FLT4: variants seen among roughly 807,000 people sequenced by gnomAD.
FLT4 encodes vascular endothelial growth factor receptor 3.
A neutral mutation model predicts 163.2 loss-of-function variants in FLT4; 30 were observed. The ratio of observed to expected loss-of-function variants is 0.18; its 90% CI spans 0.14 to 0.25. FLT4 has a LOEUF of 0.25. Ranked by LOEUF, FLT4 falls within the 10% of genes least tolerant of loss-of-function variation. The probability of loss-of-function intolerance (pLI) is 1.00; values close to 1 mark genes in which losing one functional copy is unlikely to be tolerated. For synonymous variants in FLT4, 884 were observed against 789.5 expected (o/e 1.12, Z -2.01); for missense variants, 1,510 against 1,863.8 (o/e 0.81, Z 3.50).
chr5:180,645,568 C>T (rs369397340), intron 1 of FLT4, among the ~76,000 whole-genome samples: 23 of 152,316 alleles, frequency 1.5e-4, no homozygotes, highest in African/African-American at 5.5e-4. Context: ...CTGCTGACCT[C>T]GCCGGCCACG....
At chr5:180,610,874 G>A (rs971834013) in intron 27 of FLT4, among the ~76,000 whole-genome samples, 12 of 150,440 alleles carry the variant, frequency 8.0e-5, no homozygotes, top group East Asian at 3.9e-4. Flanking sequence ...TGGCTAACAC[G>A]GTGAAACCCC....
At chr5:180,622,899 G>T in intron 11 of FLT4, 60 bp from the exon 12 acceptor site, 1 of 1,167,604 alleles carries the variant, frequency 8.6e-7, no homozygotes, top group Non-Finnish European at 1.3e-6. Flanking sequence ...CCTGGGCCCT[G>T]TCTTTCTGCA....
intron 1 of FLT4, among the ~76,000 whole-genome samples, chr5:180,642,796 C>T (rs1267696933): frequency 6.6e-6 from 1 of 152,190 alleles, no homozygotes; most frequent in Non-Finnish European, 1.5e-5. Context: ...AGGAGGCACC[C>T]ACACAGTAAT....
chr5:180,610,100 T>A (rs1342818997), intron 27 of FLT4, 75 bp from the exon 28 acceptor site: 5 of 1,604,216 alleles, frequency 3.1e-6, no homozygotes, highest in Non-Finnish European at 4.3e-6. Flanking sequence ...ACTGTCCCTG[T>A]GCCCCCTCTT....
At position 180,608,996 on chromosome 5, in the gene FLT4, T is replaced by C; in HGVS notation, c.3865A>G (p.Ser1289Gly). The C allele has an allele frequency of 6.2e-7, 1 of 1,614,152 alleles. No homozygotes were observed. Among genetic ancestry groups the C allele is most frequent in the Non-Finnish European group, 8.5e-7 (1 of 1,180,002 alleles). Residue 1289 changes from serine to glycine, a missense_variant, in exon 29 of 30, where the codon AGC (serine) becomes GGC (glycine). Around this residue, in one of 5 missense-constraint regions of FLT4, gnomAD observed 295 missense variants for 311.0 expected, o/e 0.95. Coordinates refer to ENST00000261937, the MANE Select transcript of FLT4 (RefSeq NM_182925.5). Reference sequence around the variant, plus strand: ...AAGCCGCTTTCTTGTCTATGCCTGCTCTCTATCTGCTCAAACTCCTCCGAG... The same window carrying C: ...AAGCCGCTTTCTTGTCTATGCCTGCCCTCTATCTGCTCAAACTCCTCCGAG... The part of the protein sequence containing the change: ...LASEEFEQIE[S>G]RHRQESGFSC...
At position 180,621,630 on chromosome 5, in the gene FLT4, C is replaced by A. The variant is rs778274415; in HGVS notation, c.1932G>T (p.Ala644=). The A allele has an allele frequency of 1.9e-6, 3 of 1,605,586 alleles. No individual in the cohort carries two copies. The highest frequency in any genetic ancestry group is 1.7e-4 in the Middle Eastern group (1 of 6,038). Residue 644 remains alanine, a synonymous_variant, in exon 13 of 30, where the codon GCG becomes GCT. Coordinates refer to ENST00000261937, the MANE Select transcript of FLT4 (RefSeq NM_182925.5). The stretch of plus-strand genomic sequence containing the variant: ...ACACATAGTGGCCCTCGTGCTCGGG[C>A]GCGACGCGGGGGATACTCAGGCTGA... ...ATLSLSIPRV[A]PEHEGHYVCE...
chr5:180,605,226 G>A (rs10071147), intron 29 of FLT4, among the ~76,000 whole-genome samples: 57,142 of 152,080 alleles, frequency 0.38, 10,977 homozygotes, highest in Middle Eastern at 0.48. Flanking sequence ...CAGCCTCCCA[G>A]TGTGCTGTGA....
At chr5:180,621,060 C>T (rs2127814533) in intron 14 of FLT4, 46 bp downstream of exon 14, 1 of 1,612,308 alleles carries the variant, frequency 6.2e-7, no homozygotes, top group Non-Finnish European at 8.5e-7. Context: ...GATCGTCGGC[C>T]TCGCGGGCCT....
At chr5:180,615,741 C>T (rs67542412) in intron 23 of FLT4, among the ~76,000 whole-genome samples, 3 of 33,954 alleles carry the variant, frequency 8.8e-5, no homozygotes, top group South Asian at 1.5e-3. Flanking sequence ...CTGGGCCCGC[C>T]GGTCACCTCC....
In FLT4 at chr5:180,603,312, C is replaced by T; in HGVS notation, c.3972G>A (p.Arg1324=). ...AAAACACCTGGCCTCCTCGGGCCCC[C>T]CGCTCAGGCCGCCGCCGCCTCCCTT... ...DSQGRRRRPE[R]GARGGQVFYN... is the part of the protein sequence containing the mutation. Residue 1324 remains arginine, a synonymous_variant, in exon 30 of 30, where the codon CGG becomes CGA. Transcript: ENST00000261937. The T allele has an allele frequency of 6.2e-7, 1 of 1,613,980 alleles. No individual in the cohort carries two copies. Among genetic ancestry groups the T allele is most frequent in the Non-Finnish European group, 8.5e-7 (1 of 1,179,982 alleles).
At chr5:180,603,891 G>C (rs932379467) in intron 29 of FLT4, among the ~76,000 whole-genome samples, 3 of 145,476 alleles carry the variant, frequency 2.1e-5, no homozygotes, top group Non-Finnish European at 3.0e-5. Flanking sequence ...GCGACAGAGT[G>C]AGACTCCATC....
At chr5:180,622,014 G>A (rs2127818382) in intron 12 of FLT4, 110 bp from the exon 13 acceptor site, 1 of 1,387,102 alleles carries the variant, frequency 7.2e-7, no homozygotes, top group East Asian at 2.3e-5. Context: ...CTCCTGGAGG[G>A]GCCCCAGCTG....
chr5:180,603,658 TTGC>T (rs770878999), intron 29 of FLT4, among the ~76,000 whole-genome samples: 25 of 152,178 alleles, frequency 1.6e-4, no homozygotes, highest in Admixed American at 9.2e-4. Context: ...TCCCAGCACT[TTGC>T]TGGGAGACCG....
At chr5:180,603,434 G>C in intron 29 of FLT4, 44 bp from the exon 30 acceptor site, 2 of 1,565,406 alleles carry the variant, frequency 1.3e-6, no homozygotes, top group Non-Finnish European at 8.8e-7. Flanking sequence ...AAGAAGGCTG[G>C]GTGGCGGGTG....
chr5:180,630,765 C>T lies in FLT4; in HGVS notation c.190G>A (p.Ala64Thr). ...QHPLEWAWPGAQEAPATGDKD... is the reference protein window; with the variant it reads ...QHPLEWAWPGTQEAPATGDKD... ...TCTCCGGTGGCTGGCGCCTCCTGAG[C>T]TCCTGGCCAAGCCCACTCGAGGGGG... is the stretch of plus-strand genomic sequence containing the variant. Residue 64 changes from alanine to threonine, a missense_variant, in exon 3 of 30, where the codon GCT becomes ACT. Transcript: ENST00000261937. This position sits in a 1 kb window ranked among gnomAD's most constrained non-coding sequence, Gnocchi z 6.3. 1 of 1,607,928 alleles carries T rather than the reference C, an allele frequency of 6.2e-7. No homozygotes were observed. Among genetic ancestry groups the T allele is most frequent in the Non-Finnish European group, 8.5e-7 (1 of 1,179,622 alleles).
intron 28 of FLT4, 139 bp from the exon 29 acceptor site, chr5:180,609,192 C>A: frequency 1.4e-6 from 1 of 722,124 alleles, no homozygotes; most frequent in Non-Finnish European, 2.5e-6. Context: ...GAGCCAGAAA[C>A]AAGGCGTCCA....
chr5:180,629,686 C>T lies in FLT4; in HGVS notation c.816+10G>A. 6.2e-7 allele frequency: 1 copy of T among 1,610,028 alleles called. No individual in the cohort carries two copies. The highest frequency in any genetic ancestry group is 8.5e-7 in the Non-Finnish European group (1 of 1,178,862). ...GGGACAGGACAGCCTGGCAGCGCTG[C>T]TGACCTCACCTGCTTCCCTGGGTAG... On this transcript the variant is annotated intron_variant, in intron 6 of 29. Coordinates refer to ENST00000261937, the MANE Select transcript of FLT4 (RefSeq NM_182925.5).
chr5:180,619,004 G>T lies in FLT4; in HGVS notation c.2850+17C>A. The stretch of plus-strand genomic sequence containing the variant: ...ATTCCCCCGCCGCCCGCGGCGCCCC[G>T]CAGGCCGCCCGCTCACCGCGCAGGG... On this transcript the variant is annotated intron_variant, in intron 20 of 29. Coordinates refer to ENST00000261937, the MANE Select transcript of FLT4 (RefSeq NM_182925.5). 6.5e-7 allele frequency: 1 copy of T among 1,547,030 alleles called. No homozygotes were observed. Among genetic ancestry groups the T allele is most frequent in the South Asian group, 1.2e-5 (1 of 83,880 alleles).
intron 27 of FLT4, among the ~76,000 whole-genome samples, chr5:180,610,883 C>T (rs1408689400): frequency 6.6e-6 from 1 of 152,190 alleles, no homozygotes; most frequent in East Asian, 1.9e-4. Context: ...CGGTGAAACC[C>T]CGTCTCTACT....
Sources: allele counts gnomAD v4.1 joint callset (sites outside exome capture counted in the v4.1 genomes callset), GRCh38; gene constraint gnomAD v4.1.1; regional missense constraint gnomAD v4.1.1; non-coding constraint Gnocchi (gnomAD v3.1); transcripts MANE v1.5; gene names NCBI Gene and HGNC (gene_info 2026-07-23, HGNC 2026-07-21).